Variants in ZNF804A observed in about 807,000 individuals in gnomAD.
The protein encoded by ZNF804A is zinc finger protein 804A.
In ZNF804A, 2 loss-of-function variants were observed where a neutral mutation model predicts 16.5. The observed-to-expected ratio is 0.12, with a 90% confidence interval of 0.05 to 0.38. ZNF804A has a LOEUF of 0.38. Ranked by LOEUF, ZNF804A falls within the 10% of genes least tolerant of loss-of-function variation. ZNF804A has a pLI of 0.99. For synonymous variants in ZNF804A, 534 were observed against 489.6 expected, an observed-to-expected ratio of 1.09 and a Z score of -1.20; for missense variants, 1,473 against 1,390.7, an observed-to-expected ratio of 1.06 and a Z score of -0.94.
chr2:184,780,967 G>C (rs2105773622), intron 1 of ZNF804A, among the ~76,000 whole-genome samples: 1 of 151,838 alleles, frequency 6.6e-6, no homozygotes, highest in African/African-American at 2.4e-5. Context: ...CCTTTATAGA[G>C]AATAGCAGCA....
chr2:184,829,941 A>AC (rs1558975000), intron 1 of ZNF804A, among the ~76,000 whole-genome samples: 10 of 146,128 alleles, frequency 6.8e-5, no homozygotes, highest in African/African-American at 2.1e-4. Context: ...AAAAAAAAAA[A>AC]ACCACACACA....
At chr2:184,889,704 G>A (rs972783469) in intron 2 of ZNF804A, among the ~76,000 whole-genome samples, 1 of 151,710 alleles carries the variant, frequency 6.6e-6, no homozygotes, top group African/African-American at 2.4e-5. Flanking sequence ...TATGTGTTTT[G>A]ATAGGAAAAT....
intron 1 of ZNF804A, among the ~76,000 whole-genome samples, chr2:184,814,075 T>C (rs1694941307): frequency 7.1e-6 from 1 of 140,158 alleles, no homozygotes; most frequent in African/African-American, 2.6e-5. Context: ...AGCATAGATA[T>C]TCCTCAAAAG....
intron 1 of ZNF804A, among the ~76,000 whole-genome samples, chr2:184,757,134 C>T (rs552449869): frequency 6.6e-6 from 1 of 152,130 alleles, no homozygotes; most frequent in South Asian, 2.1e-4. Flanking sequence ...TGTAGTATAT[C>T]ACCATCTGAT....
At chr2:184,840,766 GAATTA>G (rs1306212088) in intron 1 of ZNF804A, among the ~76,000 whole-genome samples, 2 of 151,962 alleles carry the variant, frequency 1.3e-5, no homozygotes, top group African/African-American at 2.4e-5. Flanking sequence ...TTCAGCTTAA[GAATTA>G]AATTAAATTG....
At chr2:184,827,117 A>G (rs1695179757) in intron 1 of ZNF804A, among the ~76,000 whole-genome samples, 2 of 151,822 alleles carry the variant, frequency 1.3e-5, no homozygotes, top group African/African-American at 4.8e-5. Flanking sequence ...GAGGTCCTAC[A>G]TGAGTTAACA....
chr2:184,789,513 A>C (rs1694499765), intron 1 of ZNF804A, among the ~76,000 whole-genome samples: 1 of 151,752 alleles, frequency 6.6e-6, no homozygotes, highest in African/African-American at 2.4e-5. Flanking sequence ...CAATTTCATT[A>C]CTTGCTATTG....
At chr2:184,693,802 T>A (rs1307069609) in intron 1 of ZNF804A, among the ~76,000 whole-genome samples, 1 of 152,006 alleles carries the variant, frequency 6.6e-6, no homozygotes, top group Non-Finnish European at 1.5e-5. Flanking sequence ...TTGCTCCATA[T>A]AATGTCAGCT....
At chr2:184,787,259 A>T (rs1402868150) in intron 1 of ZNF804A, among the ~76,000 whole-genome samples, 2 of 151,932 alleles carry the variant, frequency 1.3e-5, no homozygotes, top group South Asian at 4.1e-4. Context: ...CAGTCAACTG[A>T]TAGACGCTTA....
intron 1 of ZNF804A, among the ~76,000 whole-genome samples, chr2:184,636,648 C>T (rs754381453): frequency 2.7e-5 from 4 of 150,234 alleles, no homozygotes; most frequent in East Asian, 2.0e-4. Context: ...AGTGTGTGTA[C>T]TTCACTGTTT....
intron 1 of ZNF804A, among the ~76,000 whole-genome samples, chr2:184,820,620 T>C (rs1695062150): frequency 6.6e-6 from 1 of 152,122 alleles, no homozygotes; most frequent in East Asian, 1.9e-4. Flanking sequence ...AGAGAGGAAG[T>C]CAAATTATCT....
chr2:184,719,520 C>T (rs1693272541), intron 1 of ZNF804A, among the ~76,000 whole-genome samples: 1 of 152,048 alleles, frequency 6.6e-6, no homozygotes, highest in Non-Finnish European at 1.5e-5. Context: ...CCTTATAAAC[C>T]TGAATGCCTT....
At chr2:184,740,076 C>A (rs1166593395) in intron 1 of ZNF804A, among the ~76,000 whole-genome samples, 3 of 152,118 alleles carry the variant, frequency 2.0e-5, no homozygotes, top group African/African-American at 7.2e-5. Flanking sequence ...GTAAATGAAT[C>A]CTGAAACTCA....
chr2:184,849,120 G>A (rs183513391), intron 1 of ZNF804A, among the ~76,000 whole-genome samples: 1 of 152,030 alleles, frequency 6.6e-6, no homozygotes, highest in East Asian at 1.9e-4. Context: ...TCTTCAAAAT[G>A]CCTGCCTGTG....
At chr2:184,748,664 C>A (rs1001981184) in intron 1 of ZNF804A, among the ~76,000 whole-genome samples, 1 of 150,642 alleles carries the variant, frequency 6.6e-6, no homozygotes, top group Admixed American at 6.6e-5. Flanking sequence ...GTTTTTGTTG[C>A]AATAGCTTCT....
intron 1 of ZNF804A, among the ~76,000 whole-genome samples, chr2:184,664,884 C>T (rs77107057): frequency 0.013 from 2,011 of 152,096 alleles, 28 homozygotes; most frequent in African/African-American, 0.046. Flanking sequence ...TTAACTAATG[C>T]AATAATTGGT....
intron 1 of ZNF804A, among the ~76,000 whole-genome samples, chr2:184,862,224 A>G (rs1441009586): frequency 1.3e-5 from 2 of 152,196 alleles, no homozygotes; most frequent in Non-Finnish European, 1.5e-5. Flanking sequence ...GCTTTAAAGT[A>G]TCAGTCAGTA....
At chr2:184,867,015 G>A (rs550822035) in intron 2 of ZNF804A, among the ~76,000 whole-genome samples, 5 of 151,580 alleles carry the variant, frequency 3.3e-5, no homozygotes, top group Admixed American at 6.6e-5. Context: ...ACTACAAATG[G>A]TCCTAGGTTA....
At chr2:184,652,120 A>G (rs1691993923) in intron 1 of ZNF804A, among the ~76,000 whole-genome samples, 1 of 152,184 alleles carries the variant, frequency 6.6e-6, no homozygotes, top group Non-Finnish European at 1.5e-5. Flanking sequence ...AAAGAACAAA[A>G]TCAAGTTTTT....
Sources: allele counts gnomAD v4.1 joint callset (sites outside exome capture counted in the v4.1 genomes callset), GRCh38; gene constraint gnomAD v4.1.1; transcripts MANE v1.5; gene names NCBI Gene and HGNC (gene_info 2026-07-23, HGNC 2026-07-21).